The following PLEKHM2 variants were observed in gnomAD, a reference collection of about 807,000 sequenced individuals.
PLEKHM2 encodes pleckstrin homology domain-containing family M member 2.
PLEKHM2 carries 77 observed loss-of-function variants against 116.3 expected under a neutral mutation model. That is an observed-to-expected ratio of 0.66 (90% CI 0.55 to 0.80). The LOEUF is 0.80. PLEKHM2 is among the 30% of genes least tolerant of loss of function. The probability of loss-of-function intolerance (pLI) is 0.00; values close to 1 mark genes in which losing one functional copy is unlikely to be tolerated. For missense variants in PLEKHM2, 1,183 were observed against 1,354.9 expected (o/e 0.87, Z 1.99); for synonymous variants, 562 against 571.0 (o/e 0.98, Z 0.22).
chr1:15,724,658 A>G (rs544191684), intron 7 of PLEKHM2, among the ~76,000 whole-genome samples: 3 of 151,860 alleles, frequency 2.0e-5, no homozygotes, highest in Non-Finnish European at 4.4e-5. Flanking sequence ...CTGCTCTGTC[A>G]TCTTGTCTCT....
intron 1 of PLEKHM2, among the ~76,000 whole-genome samples, chr1:15,685,557 A>AAAAAAAAAAAAAAAAAG (rs1553157089): frequency 1.4e-5 from 2 of 147,950 alleles, no homozygotes; most frequent in African/African-American, 5.2e-5. Flanking sequence ...AAAAAAAAAA[A>AAAAAAAAAAAAAAAAAG]AAAGAAAGAA....
chr1:15,683,702 G>T (rs548496363), upstream of PLEKHM2, among the ~76,000 whole-genome samples: 3 of 151,316 alleles, frequency 2.0e-5, no homozygotes, highest in East Asian at 5.9e-4. Flanking sequence ...GGGTCTGTGG[G>T]GGTCCCCAGC....
At chr1:15,701,174 G>A (rs571165648) in intron 1 of PLEKHM2, among the ~76,000 whole-genome samples, 1 of 148,836 alleles carries the variant, frequency 6.7e-6, no homozygotes, top group African/African-American at 2.5e-5. Context: ...GCTCACTCCT[G>A]TAATCCCAGC....
At chr1:15,722,779 C>T (rs959052694) in intron 7 of PLEKHM2, 1 of 152,184 alleles carries the variant, frequency 6.6e-6, no homozygotes, top group African/African-American at 2.4e-5. Context: ...TCCATCATAA[C>T]ATCATGTACC....
At chr1:15,683,856 C>G (rs150789410), upstream of PLEKHM2, among the ~76,000 whole-genome samples, 879 of 145,736 alleles carry the variant, frequency 6.0e-3, 12 homozygotes, top group African/African-American at 0.021. Flanking sequence ...GGGTCGGGGT[C>G]TCCGGAGTTC....
chr1:15,716,564 A>T, intron 2 of PLEKHM2, 143 bp from the exon 3 acceptor site: 1 of 757,912 alleles, frequency 1.3e-6, no homozygotes, highest in Non-Finnish European at 2.2e-6. Context: ...AAATGATATG[A>T]TGGTGTGAAG....
chr1:15,716,161 A>T, intron 1 of PLEKHM2, 76 bp from the exon 2 acceptor site: 1 of 915,594 alleles, frequency 1.1e-6, no homozygotes. Context: ...TTTTTTAGCT[A>T]CCTTCTTGAT....
At position 15,729,981 on chromosome 1, in the gene PLEKHM2, A is replaced by G; in HGVS notation, c.2208+52A>G. ...GCAGCCCCTGAGATGGCAGAGCAGC[A>G]GCCGCCTTGGCGTGAGCGTTAAGGG... On this transcript the variant is annotated intron_variant, in intron 14 of 19. Coordinates refer to ENST00000375799, the MANE Select transcript of PLEKHM2 (RefSeq NM_015164.4). The surrounding 1 kb of genome is among the most constrained non-coding windows in gnomAD (Gnocchi z 4.7). The G allele has an allele frequency of 1.4e-6, 2 of 1,450,066 alleles. No homozygotes were observed. The highest frequency in any genetic ancestry group is 1.8e-6 in the Non-Finnish European group (2 of 1,082,792). The allele number at this position is 1,450,066 out of a possible 1,614,324, so 89.8% of individuals were successfully genotyped here.
rs2068090072 is a variant in PLEKHM2, at chr1:15,728,084, A to G, written c.1766A>G (p.Asp589Gly). The G allele has an allele frequency of 1.2e-6, 2 of 1,610,320 alleles. No homozygotes were observed. Among genetic ancestry groups the G allele is most frequent in the Non-Finnish European group, 1.7e-6 (2 of 1,178,208 alleles). ...EMVHSSEFRV[D>G]NNHLLLLMIH... ...TCCTGACTTGGCCCTCACAGAGTAG[A>G]CAACAATCACCTGCTCCTGCTCATG... The change falls in exon 10 of 20, where the codon GAC becomes GGC. Residue 589 changes from aspartate (D) to glycine (G), a missense_variant. Physicochemically the swap from Asp to Gly is moderately conservative, Grantham distance 94. Coordinates refer to ENST00000375799, the MANE Select transcript of PLEKHM2 (RefSeq NM_015164.4). This position sits in a 1 kb window ranked among gnomAD's most constrained non-coding sequence, Gnocchi z 5.9.
In PLEKHM2 at chr1:15,728,596, G is replaced by C. The variant is rs1469074432; in HGVS notation, c.1922-73G>C. ...GAGGCCCTCTAAGAGAGGGGGCTGT[G>C]TCTAAGAAAATGGGGCAGGGGGAGG... On this transcript the variant is annotated intron_variant, in intron 11 of 19. Coordinates refer to ENST00000375799, the MANE Select transcript of PLEKHM2 (RefSeq NM_015164.4). This position sits in a 1 kb window ranked among gnomAD's most constrained non-coding sequence, Gnocchi z 5.9. The C allele has an allele frequency of 2.2e-6, 3 of 1,359,490 alleles. No individual in the cohort carries two copies. The highest frequency in any genetic ancestry group is 3.1e-6 in the Non-Finnish European group (3 of 969,692). The allele number at this position is 1,359,490 out of a possible 1,614,324, so 84.2% of individuals were successfully genotyped here.
chr1:15,685,081 AT>A (rs758804790), intron 1 of PLEKHM2, among the ~76,000 whole-genome samples: 1 of 152,242 alleles, frequency 6.6e-6, no homozygotes, highest in Non-Finnish European at 1.5e-5. Flanking sequence ...TCCCGGCGAC[AT>A]TGCCTCTGCT....
rs1235643291 is a variant in PLEKHM2 at position 15,684,464 on chromosome 1, AGCGGTTGGCGGCGGCCCCCGGCCCCCGGC to A, written c.-90_-62del. 4.0e-4 allele frequency: 271 copies of A among 677,818 alleles called. No homozygotes were observed. Among genetic ancestry groups the A allele is most frequent in the Non-Finnish European group, 4.8e-4 (267 of 550,538 alleles). The allele number at this position is 677,818 out of a possible 1,614,324, so 42.0% of individuals were successfully genotyped here. ...ACGGAGCCCCCGTACGGCCGGCGGC[AGCGGTTGGCGGCGGCCCCCGGCCCCCGGC>A]GCGGGAAGCGGCGGCGGGGCGGCGG... On this transcript the variant is annotated 5_prime_UTR_variant, in exon 1 of 20. Transcript: ENST00000375799.
chr1:15,684,102 G>C (rs988290886), upstream of PLEKHM2, among the ~76,000 whole-genome samples: 2 of 151,386 alleles, frequency 1.3e-5, no homozygotes, highest in African/African-American at 4.9e-5. Context: ...CCGGCAGGCG[G>C]GGTCGAGGTC....
At chr1:15,702,925 G>T (rs907317431) in intron 1 of PLEKHM2, among the ~76,000 whole-genome samples, 2 of 151,144 alleles carry the variant, frequency 1.3e-5, no homozygotes, top group African/African-American at 4.9e-5. Flanking sequence ...ACAGGGTCTT[G>T]CTATATTGCC....
Position 15,721,002 on chromosome 1 carries a change from A to C in PLEKHM2, c.653-327A>C. 1.2e-5 allele frequency: 3 copies of C among 256,990 alleles called. No homozygotes were observed. The highest frequency in any genetic ancestry group is 1.8e-4 in the East Asian group (2 of 10,956). 15.9% of individuals were successfully genotyped at this position (256,990 alleles called of 1,614,324 possible). On this transcript the variant is annotated intron_variant, in intron 6 of 19. Coordinates refer to ENST00000375799, the MANE Select transcript of PLEKHM2 (RefSeq NM_015164.4). The surrounding 1 kb of genome is among the most constrained non-coding windows in gnomAD (Gnocchi z 5.1). The stretch of plus-strand genomic sequence containing the variant: ...CAGTGTCTCCTTGCCCTGCTAGGGT[A>C]TGGAGGGAAGGCACGTAAGAGGTAG...
Position 15,725,369 on chromosome 1 carries a change from G to C in PLEKHM2, c.765G>C (p.Leu255=), listed in dbSNP as rs764552863. The change falls in exon 8 of 20, where the codon CTG becomes CTC. Residue 255 remains leucine (L), a synonymous_variant. Transcript: ENST00000375799. ...VSGPRSTASD[L]TSSKASTRSP... ...GTCCCCGCTCCACAGCCTCCGACCT[G>C]ACCAGCAGCAAGGCCTCCACCAGGA... 18 of 1,551,534 alleles carry C rather than the reference G, an allele frequency of 1.2e-5. No homozygotes were observed. Among genetic ancestry groups the C allele is most frequent in the Non-Finnish European group, 1.5e-5 (17 of 1,147,182 alleles).
intron 1 of PLEKHM2, among the ~76,000 whole-genome samples, chr1:15,714,348 T>TAAAAAAAAAAAAAA (rs764341573): frequency 9.1e-6 from 1 of 110,236 alleles, no homozygotes. Flanking sequence ...ATTTTGAAAT[T>TAAAAAAAAAAAAAA]AAAAAAAAAA....
intron 1 of PLEKHM2, among the ~76,000 whole-genome samples, chr1:15,709,784 G>C (rs1044666782): frequency 6.7e-6 from 1 of 150,114 alleles, no homozygotes; most frequent in Non-Finnish European, 1.5e-5. Context: ...AAATAAATGT[G>C]CAGGACATAC....
chr1:15,686,175 T>C (rs1640765359), intron 1 of PLEKHM2, among the ~76,000 whole-genome samples: 4 of 152,170 alleles, frequency 2.6e-5, no homozygotes, highest in Admixed American at 2.6e-4. Flanking sequence ...GTTAGGTGTG[T>C]TTGTTGAGGT....
Sources: allele counts gnomAD v4.1 joint callset (sites outside exome capture counted in the v4.1 genomes callset), GRCh38; gene constraint gnomAD v4.1.1; non-coding constraint Gnocchi (gnomAD v3.1); transcripts MANE v1.5; gene names NCBI Gene and HGNC (gene_info 2026-07-23, HGNC 2026-07-21).